CACNA2D1: variants seen among roughly 807,000 people sequenced by gnomAD.
CACNA2D1 encodes voltage-dependent calcium channel subunit alpha-2/delta-1.
In CACNA2D1, 53 loss-of-function variants were observed where a neutral mutation model predicts 171.5. That is an observed-to-expected ratio of 0.31 (90% CI 0.25 to 0.39). The LOEUF is 0.39. CACNA2D1 is among the 10% of genes least tolerant of loss of function. The pLI is 1.00. For synonymous variants in CACNA2D1, 442 were observed against 443.1 expected (o/e 1.00, Z 0.03); for missense variants, 903 against 1,299.8 (o/e 0.69, Z 4.69).
intron 3 of CACNA2D1, among the ~76,000 whole-genome samples, chr7:82,178,952 A>G (rs746573759): frequency 1.1e-4 from 16 of 152,144 alleles, no homozygotes; most frequent in Non-Finnish European, 1.3e-4. Flanking sequence ...ATCATTTCCA[A>G]GCATTTTCAA....
intron 3 of CACNA2D1, among the ~76,000 whole-genome samples, chr7:82,254,595 T>C (rs1390522035): frequency 6.6e-6 from 1 of 152,162 alleles, no homozygotes; most frequent in Non-Finnish European, 1.5e-5. Context: ...TGGAAACTCC[T>C]AGTGGTAGGA....
chr7:81,989,739 C>G (rs1797340381), intron 21 of CACNA2D1, among the ~76,000 whole-genome samples: 2 of 152,140 alleles, frequency 1.3e-5, no homozygotes. Flanking sequence ...TTAACCAGGA[C>G]TGGTATTTTG....
chr7:82,423,298 A>G (rs1166100536), intron 1 of CACNA2D1, among the ~76,000 whole-genome samples: 1 of 152,148 alleles, frequency 6.6e-6, no homozygotes, highest in African/African-American at 2.4e-5. Context: ...TCATTCTTGG[A>G]AATAAAATCT....
rs937272376 is a variant in CACNA2D1 at position 82,146,506 on chromosome 7, A to C, written c.355-9830T>G. ...TACATATTTATATTTATATATATAT[A>C]AAGATATATATCTTTATATCTATAT... On this transcript the variant is annotated intron_variant, in intron 4 of 38. Transcript: ENST00000356860. Among the ~76,000 whole-genome samples the C allele has an allele frequency of 1.0e-3, 128 of 124,788 alleles. 1 individual carries two copies. The highest frequency in any genetic ancestry group is 3.0e-3 in the African/African-American group (108 of 35,554). 81.9% of individuals were successfully genotyped at this position (124,788 alleles called of 152,430 possible). A position where few individuals can be genotyped will look rare whatever the true frequency, so the allele number is the denominator to read the frequency against.
chr7:82,348,527 C>A (rs1819502679), intron 2 of CACNA2D1, among the ~76,000 whole-genome samples: 1 of 152,148 alleles, frequency 6.6e-6, no homozygotes, highest in Admixed American at 6.5e-5. Context: ...TCGCAGGGAA[C>A]ACCTTTCATT....
intron 6 of CACNA2D1, among the ~76,000 whole-genome samples, chr7:82,098,557 T>C (rs1436172462): frequency 2.6e-5 from 4 of 152,190 alleles, no homozygotes; most frequent in African/African-American, 9.6e-5. Flanking sequence ...GCAATTTCCC[T>C]GCTGCCTCCA....
chr7:82,352,493 C>G (rs191049667), intron 1 of CACNA2D1, among the ~76,000 whole-genome samples: 43 of 152,244 alleles, frequency 2.8e-4, no homozygotes, highest in Non-Finnish European at 5.3e-4. Flanking sequence ...TAATAAGAAA[C>G]TAACATAGCA....
chr7:82,035,093 C>T (rs977448761), intron 11 of CACNA2D1, among the ~76,000 whole-genome samples: 7 of 152,022 alleles, frequency 4.6e-5, no homozygotes, highest in African/African-American at 2.4e-5. Context: ...AATAAAATTA[C>T]AATTAGTAGA....
intron 3 of CACNA2D1, among the ~76,000 whole-genome samples, chr7:82,222,736 T>A (rs905977609): frequency 1.3e-5 from 2 of 151,414 alleles, no homozygotes; most frequent in African/African-American, 4.8e-5. Flanking sequence ...TTTTCTTTTC[T>A]TATTCATTTT....
chr7:81,967,058 T>A (rs1408751673), intron 31 of CACNA2D1, 111 bp downstream of exon 31: 2 of 718,486 alleles, frequency 2.8e-6, no homozygotes, highest in African/African-American at 1.8e-5. Flanking sequence ...TCCATAGAAT[T>A]TTTTAGCCTT....
intron 3 of CACNA2D1, among the ~76,000 whole-genome samples, chr7:82,247,554 C>A (rs1805081335): frequency 6.6e-6 from 1 of 151,908 alleles, no homozygotes; most frequent in African/African-American, 2.4e-5. Flanking sequence ...ATCCTTCTCA[C>A]AAGACCCACT....
intron 1 of CACNA2D1, among the ~76,000 whole-genome samples, chr7:82,442,372 A>G (rs1032983941): frequency 2.6e-5 from 4 of 152,168 alleles, no homozygotes; most frequent in African/African-American, 9.7e-5. Flanking sequence ...TCCACTTAAG[A>G]TTACCTACCT....
chr7:82,250,248 C>A (rs1303891039), intron 3 of CACNA2D1, among the ~76,000 whole-genome samples: 1 of 152,326 alleles, frequency 6.6e-6, no homozygotes, highest in Admixed American at 6.5e-5. Flanking sequence ...AACATAAGAA[C>A]TTTTGGGGAA....
At chr7:81,961,832 GATTATAACAGTATATACAATTTCT>G in intron 36 of CACNA2D1, 38 bp downstream of exon 36, 1 of 1,016,490 alleles carries the variant, frequency 9.8e-7, no homozygotes, top group African/African-American at 1.6e-5. Context: ...ATTTCTTAAT[GATTATAACAGTATATACAATTTCT>G]TAATGAAATA....
chr7:82,443,255 C>T, intron 1 of CACNA2D1, 110 bp downstream of exon 1: 1 of 1,083,234 alleles, frequency 9.2e-7, no homozygotes, highest in Non-Finnish European at 1.3e-6. Context: ...CCCGGCCGCT[C>T]GCTCCCCACC....
intron 4 of CACNA2D1, among the ~76,000 whole-genome samples, chr7:82,144,914 AT>A (rs1364780571): frequency 7.2e-6 from 1 of 138,280 alleles, no homozygotes; most frequent in African/African-American, 2.5e-5. Flanking sequence ...ATGGATTATA[AT>A]GAAATCATAA....
chr7:82,204,102 TAC>T (rs1799769453), intron 3 of CACNA2D1, among the ~76,000 whole-genome samples: 1 of 152,180 alleles, frequency 6.6e-6, no homozygotes, highest in Non-Finnish European at 1.5e-5. Context: ...TGGGGCATAG[TAC>T]ACAGATGGGT....
chr7:81,963,890 C>T (rs982958312), intron 34 of CACNA2D1, among the ~76,000 whole-genome samples, 166 bp downstream of exon 34: 23 of 151,944 alleles, frequency 1.5e-4, no homozygotes, highest in Non-Finnish European at 1.5e-5. Flanking sequence ...ATAGTGTTCA[C>T]TTAGGAAAAA....
chr7:81,979,429 A>G (rs1238959591), intron 24 of CACNA2D1, among the ~76,000 whole-genome samples: 1 of 152,128 alleles, frequency 6.6e-6, no homozygotes, highest in Non-Finnish European at 1.5e-5. Flanking sequence ...ATCTTTCTCT[A>G]TGTATCTGGA....
Sources: allele counts gnomAD v4.1 joint callset (sites outside exome capture counted in the v4.1 genomes callset), GRCh38; gene constraint gnomAD v4.1.1; transcripts MANE v1.5; gene names NCBI Gene and HGNC (gene_info 2026-07-23, HGNC 2026-07-21).